The following TMEM67 variants were observed in gnomAD, a reference collection of about 807,000 sequenced individuals.
TMEM67 encodes the protein transmembrane protein 67, also known as meckelin.
A neutral mutation model predicts 136.6 loss-of-function variants in TMEM67; 124 were observed. The ratio of observed to expected loss-of-function variants is 0.91; its 90% CI spans 0.78 to 1.05. The LOEUF (loss-of-function observed/expected upper bound fraction) is 1.05. Ranked by LOEUF, TMEM67 falls within the 50% of genes least tolerant of loss-of-function variation. The pLI is 0.00. For synonymous variants in TMEM67, 364 were observed against 390.5 expected, an observed-to-expected ratio of 0.93 and a Z score of 0.80; for missense variants, 1,107 against 1,178.4, an observed-to-expected ratio of 0.94 and a Z score of 0.89.
intron 14 of TMEM67, among the ~76,000 whole-genome samples, chr8:93,790,070 G>GA (rs1284604896): frequency 6.1e-4 from 87 of 141,868 alleles, no homozygotes; most frequent in Admixed American, 1.1e-3. Context: ...TGTCTCAAAA[G>GA]AAAAAAAAAA....
intron 6 of TMEM67, among the ~76,000 whole-genome samples, chr8:93,768,262 A>G (rs1813167862): frequency 7.7e-6 from 1 of 129,276 alleles, no homozygotes; most frequent in Non-Finnish European, 1.6e-5. Context: ...TAGCTAGGAA[A>G]TATACACATA....
chr8:93,765,395 A>T lies in TMEM67; in HGVS notation c.507-11A>T. On this transcript the variant is annotated splice_polypyrimidine_tract_variant and intron_variant, in intron 4 of 27. Transcript: ENST00000453321. ...TAACATTTTTAAAATTATTTTTGTT[A>T]TATTGAACAGGTGCGTCCGATGTGA... 6.2e-7 allele frequency: 1 copy of T among 1,605,208 alleles called. No individual in the cohort carries two copies. The highest frequency in any genetic ancestry group is 8.5e-7 in the Non-Finnish European group (1 of 1,174,346).
rs1271856253 is a variant in TMEM67 at position 93,797,342 on chromosome 8, G to A, written c.1972G>A (p.Val658Ile). 6 of 1,614,134 alleles carry A rather than the reference G, an allele frequency of 3.7e-6. No homozygotes were observed. The East Asian group carries it at 6.7e-5, about 18-fold the overall frequency. ...ATTTTCCTGACCAGGTGAGGGTGGTGTACGAAGTGCCACTGTTCCTGTAAG... is the reference window on the plus strand; with the variant it reads ...ATTTTCCTGACCAGGTGAGGGTGGTATACGAAGTGCCACTGTTCCTGTAAG... ...VLKAVEGEGG[V>I]RSATVPVSIW... Residue 658 changes from valine (V) to isoleucine (I), a missense_variant, in exon 20 of 28, where the codon GTA becomes ATA. Physicochemically the swap from Val to Ile is conservative, Grantham distance 29. Around this residue, in one of 3 missense-constraint regions of TMEM67, gnomAD observed 925 missense variants for 1,002.4 expected, o/e 0.92. Coordinates refer to ENST00000453321, the MANE Select transcript of TMEM67 (RefSeq NM_153704.6).
intron 2 of TMEM67, chr8:93,756,590 C>T (rs1812582407): frequency 6.6e-6 from 1 of 152,040 alleles, no homozygotes; most frequent in Non-Finnish European, 1.5e-5. Context: ...ACTTGTAAGT[C>T]TGATTACCAC....
the TMEM67 span, among the ~76,000 whole-genome samples, chr8:93,829,831 G>A: frequency 4.6e-5 from 7 of 152,188 alleles, no homozygotes; most frequent in Non-Finnish European, 7.4e-5. Context: ...ATCCTGGGGG[G>A]CATTTTAGGC....
At position 93,799,624 on chromosome 8, in the gene TMEM67, G is replaced by A; in HGVS notation, c.2107G>A (p.Gly703Arg). 6.2e-7 allele frequency: 1 copy of A among 1,613,666 alleles called. No homozygotes were observed. The highest frequency in any genetic ancestry group is 8.5e-7 in the Non-Finnish European group (1 of 1,179,856). Residue 703 changes from glycine to arginine, a missense_variant, in exon 21 of 28, where the codon GGA becomes AGA. Around this residue, in one of 3 missense-constraint regions of TMEM67, gnomAD observed 925 missense variants for 1,002.4 expected, o/e 0.92. Transcript: ENST00000453321. ...CTTTTCCTTTTTACTCCAGGTTGTG[G>A]GATTCAAGAACTTAGCATTAATGGA... The part of the protein sequence containing the change: ...LTVLFFLEVV[G>R]FKNLALMDSS...
chr8:93,799,684 T>C lies in TMEM67; in HGVS notation c.2167T>C (p.Tyr723His), dbSNP rs576079013. ...SSSLSRNPPS[Y>H]IAPYSCILRY... ...TAGTCTTTCTAGAAACCCACCTAGCTACATAGCTCCTTATAGCTGCATTTT... is the reference window on the plus strand; with the variant it reads ...TAGTCTTTCTAGAAACCCACCTAGCCACATAGCTCCTTATAGCTGCATTTT... The change falls in exon 21 of 28, where the codon TAC becomes CAC. Residue 723 changes from tyrosine (Y) to histidine (H), a missense_variant. Transcript: ENST00000453321. 6.2e-7 allele frequency: 1 copy of C among 1,613,884 alleles called. No homozygotes were observed. The highest frequency in any genetic ancestry group is 1.3e-5 in the African/African-American group (1 of 75,042).
At chr8:93,829,407 TG>T in the TMEM67 span, among the ~76,000 whole-genome samples, 3 of 152,080 alleles carry the variant, frequency 2.0e-5, no homozygotes, top group African/African-American at 7.2e-5. Flanking sequence ...TGTGTGTGTG[TG>T]TGTATCTTTT....
intron 2 of TMEM67, among the ~76,000 whole-genome samples, 199 bp from the exon 3 acceptor site, chr8:93,758,284 G>T (rs1303042699): frequency 1.3e-5 from 2 of 152,150 alleles, no homozygotes; most frequent in African/African-American, 4.8e-5. Flanking sequence ...TAGTTTTCAG[G>T]ACATAGTGAT....
intron 15 of TMEM67, among the ~76,000 whole-genome samples, chr8:93,791,566 G>T (rs1421820206): frequency 6.6e-6 from 1 of 151,954 alleles, no homozygotes; most frequent in Non-Finnish European, 1.5e-5. Context: ...ACCCAATCTA[G>T]GGTCACATAT....
In TMEM67 at chr8:93,797,386, T is replaced by C. The variant is rs1814670896; in HGVS notation, c.2016T>C (p.Phe672=). 2 of 1,614,134 alleles carry C rather than the reference T, an allele frequency of 1.2e-6. No homozygotes were observed. Among genetic ancestry groups the C allele is most frequent in the Non-Finnish European group, 1.7e-6 (2 of 1,179,952 alleles). The change falls in exon 20 of 28, where the codon TTT becomes TTC. Residue 672 remains phenylalanine, a synonymous_variant. Coordinates refer to ENST00000453321, the MANE Select transcript of TMEM67 (RefSeq NM_153704.6). ...TVPVSIWRTY[F]VANEWNEIQT... is the part of the protein sequence containing the mutation. Reference sequence around the variant, plus strand: ...CTGTAAGCATATGGAGAACATATTTTGTAGCAAATGAATGGAATGAAATTC... The same window carrying C: ...CTGTAAGCATATGGAGAACATATTTCGTAGCAAATGAATGGAATGAAATTC...
intron 7 of TMEM67, among the ~76,000 whole-genome samples, chr8:93,779,816 G>A (rs1195802516): frequency 2.0e-5 from 3 of 152,194 alleles, no homozygotes; most frequent in Non-Finnish European, 4.4e-5. Context: ...CTCCCAGTTA[G>A]GCTACACAGG....
chr8:93,803,533 C>A, intron 21 of TMEM67, 71 bp from the exon 22 acceptor site: 1 of 1,002,556 alleles, frequency 1.0e-6, no homozygotes, highest in Non-Finnish European at 1.6e-6. Flanking sequence ...TCTTAAGATG[C>A]TACACTGTGG....
intron 6 of TMEM67, among the ~76,000 whole-genome samples, chr8:93,770,116 T>C (rs1446395792): frequency 2.0e-5 from 3 of 152,230 alleles, no homozygotes; most frequent in Admixed American, 6.5e-5. Flanking sequence ...TTGAAAAATT[T>C]CAAAATTGCA....
chr8:93,799,025 G>GT (rs1046417905), intron 20 of TMEM67, among the ~76,000 whole-genome samples: 1 of 150,378 alleles, frequency 6.6e-6, no homozygotes, highest in Non-Finnish European at 1.5e-5. Flanking sequence ...ATGTGAAAAA[G>GT]TTTTATGGTC....
intron 1 of TMEM67, 136 bp from the exon 2 acceptor site, chr8:93,755,642 G>T: frequency 1.5e-6 from 1 of 647,440 alleles, no homozygotes; most frequent in South Asian, 2.0e-5. Context: ...AGGCAGTACT[G>T]CCTCCAGAAT....
the TMEM67 span, among the ~76,000 whole-genome samples, chr8:93,827,368 C>T: frequency 2.0e-5 from 3 of 152,058 alleles, no homozygotes; most frequent in South Asian, 6.2e-4. Flanking sequence ...TTCTCCCCTT[C>T]TTCATTTTAT....
intron 11 of TMEM67, 67 bp from the exon 12 acceptor site, chr8:93,785,155 T>G: frequency 4.2e-6 from 4 of 949,620 alleles, no homozygotes; most frequent in Non-Finnish European, 6.6e-6. Flanking sequence ...TCTTTTATTT[T>G]ATTTTTTACT....
At chr8:93,760,539 A>G (rs1036506577) in intron 3 of TMEM67, among the ~76,000 whole-genome samples, 15 of 152,180 alleles carry the variant, frequency 9.9e-5, no homozygotes, top group Non-Finnish European at 2.1e-4. Flanking sequence ...AAAATGCAGG[A>G]AAAATTTGTA....
Sources: gnomAD v4.1 joint callset for allele counts (sites outside exome capture counted in the v4.1 genomes callset) on GRCh38, gnomAD v4.1.1 for gene constraint, gnomAD v4.1.1 regional missense constraint, MANE v1.5 for transcripts, NCBI Gene and HGNC (gene_info 2026-07-23, HGNC 2026-07-21) for gene names.